Variants in CTNNA2 observed in about 807,000 individuals in gnomAD.
CTNNA2 encodes catenin alpha 2, also known as catenin alpha-2.
In CTNNA2, 42 loss-of-function variants were observed where a neutral mutation model predicts 101.0. The ratio of observed to expected loss-of-function variants is 0.42; its 90% CI spans 0.32 to 0.54. The LOEUF (loss-of-function observed/expected upper bound fraction) is 0.54, where lower values mean the gene tolerates loss of function less well. Among genes scored for constraint, CTNNA2 ranks in the 20% least tolerant of loss-of-function variants. CTNNA2 has a pLI of 0.14. For synonymous variants in CTNNA2, 450 were observed against 456.4 expected (o/e 0.99, Z 0.18); for missense variants, 871 against 1,223.1 (o/e 0.71, Z 4.29).
At chr2:79,923,941 G>T (rs899718535) in intron 7 of CTNNA2, among the ~76,000 whole-genome samples, 2 of 152,140 alleles carry the variant, frequency 1.3e-5, no homozygotes, top group South Asian at 4.1e-4. Flanking sequence ...ATTAACATAT[G>T]ATCCAGCAAT....
chr2:80,107,512 G>A (rs1700962354), intron 7 of CTNNA2, among the ~76,000 whole-genome samples: 1 of 152,160 alleles, frequency 6.6e-6, no homozygotes, highest in Admixed American at 6.5e-5. Context: ...CGCCTCTCCT[G>A]CTCCCCTCTC....
chr2:79,759,592 C>T (rs79147657), intron 3 of CTNNA2, among the ~76,000 whole-genome samples: 3,170 of 152,114 alleles, frequency 0.021, 79 homozygotes, highest in African/African-American at 0.07. Context: ...GTTGAGCTCC[C>T]GCCCTGCATC....
At chr2:79,856,498 T>A (rs1681145264) in intron 3 of CTNNA2, among the ~76,000 whole-genome samples, 1 of 152,206 alleles carries the variant, frequency 6.6e-6, no homozygotes, top group Admixed American at 6.5e-5. Context: ...TGATCTTGAG[T>A]TAAAAAATCT....
intron 3 of CTNNA2, among the ~76,000 whole-genome samples, chr2:79,319,049 T>C (rs1267879391): frequency 2.0e-5 from 3 of 152,164 alleles, no homozygotes; most frequent in Non-Finnish European, 4.4e-5. Context: ...CTCTATTCAG[T>C]AAACATAAGA....
chr2:80,001,438 A>T (rs1194394311), intron 7 of CTNNA2, among the ~76,000 whole-genome samples: 5 of 152,222 alleles, frequency 3.3e-5, no homozygotes, highest in Non-Finnish European at 5.9e-5. Context: ...TTAGAGTTTT[A>T]AAAAGCATTT....
At chr2:80,316,310 A>G (rs1462733732) in intron 7 of CTNNA2, among the ~76,000 whole-genome samples, 1 of 152,214 alleles carries the variant, frequency 6.6e-6, no homozygotes, top group Admixed American at 6.5e-5. Context: ...GTATTTAACC[A>G]GGCAGCACCA....
intron 1 of CTNNA2, among the ~76,000 whole-genome samples, chr2:79,618,154 A>G (rs1467564942): frequency 6.6e-6 from 1 of 152,182 alleles, no homozygotes; most frequent in Non-Finnish European, 1.5e-5. Context: ...TGCCCAGTGG[A>G]GCATGGAGGA....
chr2:79,568,797 G>A (rs1436373385), intron 1 of CTNNA2, among the ~76,000 whole-genome samples: 1 of 148,272 alleles, frequency 6.7e-6, no homozygotes, highest in East Asian at 2.0e-4. Flanking sequence ...TGAGGTGGGT[G>A]GATCACCTGA....
intron 18 of CTNNA2, among the ~76,000 whole-genome samples, chr2:80,643,261 A>T (rs1230833932): frequency 6.6e-6 from 1 of 152,046 alleles, no homozygotes; most frequent in African/African-American, 2.4e-5. Context: ...GAATGGTAAG[A>T]TCATGGGCTC....
chr2:80,245,084 T>A (rs1333254443), intron 7 of CTNNA2, among the ~76,000 whole-genome samples: 2 of 152,180 alleles, frequency 1.3e-5, no homozygotes, highest in Admixed American at 1.3e-4. Flanking sequence ...ACAGTCGAGT[T>A]CCCCTTTTTG....
chr2:79,483,876 G>A (rs578037392), intron 4 of CTNNA2, among the ~76,000 whole-genome samples: 17 of 152,268 alleles, frequency 1.1e-4, no homozygotes, highest in African/African-American at 4.1e-4. Flanking sequence ...AAACATGTGT[G>A]TACAAATGTC....
chr2:79,745,202 G>A (rs1376674107), intron 3 of CTNNA2, among the ~76,000 whole-genome samples: 3 of 152,208 alleles, frequency 2.0e-5, no homozygotes, highest in East Asian at 1.9e-4. Flanking sequence ...AGGCCAAGGC[G>A]GGTGGATTGC....
chr2:79,917,111 G>T (rs72918664), intron 7 of CTNNA2, among the ~76,000 whole-genome samples: 9 of 151,108 alleles, frequency 6.0e-5, no homozygotes, highest in African/African-American at 2.2e-4. Flanking sequence ...CTTGCTTTGT[G>T]GCCAGGCTGT....
rs988896392 is a variant in CTNNA2 at position 79,558,522 on chromosome 2, G to A, written c.-6+45315G>A. 6.6e-5 allele frequency among the ~76,000 whole-genome samples: 10 copies of A among 151,858 alleles called. No homozygotes were observed. The East Asian group carries it at 1.7e-3, about 26-fold the overall frequency. On this transcript the variant is annotated intron_variant, in intron 1 of 18. Coordinates refer to ENST00000402739, the MANE Select transcript of CTNNA2 (RefSeq NM_001282597.3). ...CCCTAAAGGGACGTGCAGTGTAATA[G>A]GGAAGATAACAAATGTAAAATATTT...
intron 2 of CTNNA2, among the ~76,000 whole-genome samples, chr2:79,214,990 G>A (rs1001283952): frequency 2.3e-4 from 35 of 152,116 alleles, no homozygotes; most frequent in Admixed American, 2.3e-3. Context: ...AGAAGGGGAC[G>A]GACTTACCTT....
chr2:79,756,210 G>A (rs951197477), intron 3 of CTNNA2, among the ~76,000 whole-genome samples: 1 of 152,054 alleles, frequency 6.6e-6, no homozygotes, highest in African/African-American at 2.4e-5. Context: ...AAAAATAACA[G>A]CAACAATAGC....
chr2:79,264,896 G>A (rs947311628), intron 2 of CTNNA2, among the ~76,000 whole-genome samples: 1 of 152,068 alleles, frequency 6.6e-6, no homozygotes, highest in South Asian at 2.1e-4. Flanking sequence ...CTTTACATTC[G>A]AGACTGCCTC....
chr2:80,349,101 C>T (rs1477762647), intron 7 of CTNNA2, among the ~76,000 whole-genome samples: 1 of 152,156 alleles, frequency 6.6e-6, no homozygotes, highest in Non-Finnish European at 1.5e-5. Context: ...AAAGCAGTGA[C>T]TTTGTTAAAT....
intron 7 of CTNNA2, among the ~76,000 whole-genome samples, chr2:79,936,545 CTT>C (rs5832422): frequency 2.2e-4 from 33 of 148,286 alleles, no homozygotes; most frequent in East Asian, 6.0e-4. Flanking sequence ...TCCAAGCGTC[CTT>C]TTTTTTTTTT....
Sources: gnomAD v4.1 joint callset for allele counts (sites outside exome capture counted in the v4.1 genomes callset) on GRCh38, gnomAD v4.1.1 for gene constraint, MANE v1.5 for transcripts, NCBI Gene and HGNC (gene_info 2026-07-23, HGNC 2026-07-21) for gene names.